Variants in ATAD2B observed in about 807,000 individuals in gnomAD.
The protein encoded by ATAD2B is ATPase family AAA domain-containing protein 2B.
A neutral mutation model predicts 167.6 loss-of-function variants in ATAD2B; 40 were observed. That is an observed-to-expected ratio of 0.24 (90% confidence interval 0.19 to 0.31). ATAD2B has a LOEUF of 0.31. ATAD2B is among the 10% of genes least tolerant of loss of function. The pLI, the probability that ATAD2B is intolerant of heterozygous loss-of-function variation, is 1.00. For missense variants in ATAD2B, 1,242 were observed against 1,757.2 expected (o/e 0.71, Z 5.24); for synonymous variants, 579 against 596.5 (o/e 0.97, Z 0.43).
At position 23,751,803 on chromosome 2, in the gene ATAD2B, G is replaced by A. The variant is rs992079735; in HGVS notation, c.*243C>T. The stretch of plus-strand genomic sequence containing the variant: ...TGTAGCACCAAAATCTCCAAGCTGT[G>A]GGGTTGTATTTTTTATTTGTGGAAA... On this transcript the variant is annotated 3_prime_UTR_variant, in exon 28 of 28. Coordinates refer to ENST00000238789, the MANE Select transcript of ATAD2B (RefSeq NM_017552.4). The A allele has an allele frequency of 2.0e-6, 1 of 504,600 alleles. No homozygotes were observed. Among genetic ancestry groups the A allele is most frequent in the Non-Finnish European group, 3.5e-6 (1 of 283,908 alleles). 31.3% of individuals were successfully genotyped at this position (504,600 alleles called of 1,614,324 possible).
At chr2:23,826,966 C>T (rs1688349952) in intron 15 of ATAD2B, among the ~76,000 whole-genome samples, 1 of 152,136 alleles carries the variant, frequency 6.6e-6, no homozygotes, top group Non-Finnish European at 1.5e-5. Flanking sequence ...CTCTATGAGG[C>T]ATAAATTTCA....
intron 14 of ATAD2B, among the ~76,000 whole-genome samples, chr2:23,829,625 C>T (rs1688749181): frequency 6.6e-6 from 1 of 152,060 alleles, no homozygotes; most frequent in Admixed American, 6.6e-5. Flanking sequence ...CATGGTGGTG[C>T]ACGCCTGTGG....
At chr2:23,752,191 A>C in intron 27 of ATAD2B, 104 bp from the exon 28 acceptor site, 1 of 803,322 alleles carries the variant, frequency 1.2e-6, no homozygotes, top group Non-Finnish European at 2.1e-6. Context: ...AATTTGAGAT[A>C]CAGGTTAAAC....
At chr2:23,684,083 A>G in the ATAD2B span, among the ~76,000 whole-genome samples, 1 of 152,082 alleles carries the variant, frequency 6.6e-6, no homozygotes, top group Non-Finnish European at 1.5e-5. The surrounding 1 kb of genome is among the most constrained non-coding windows in gnomAD (Gnocchi z 4.4). Context: ...TGTATTCTCT[A>G]TGTTTCCAAT....
chr2:23,769,082 G>T (rs932729305), intron 22 of ATAD2B, among the ~76,000 whole-genome samples: 1 of 152,132 alleles, frequency 6.6e-6, no homozygotes, highest in Non-Finnish European at 1.5e-5. Flanking sequence ...AACCGCAGGG[G>T]ATTGGTTCTA....
At chr2:23,807,591 CA>C (rs1205740169) in intron 18 of ATAD2B, among the ~76,000 whole-genome samples, 2 of 151,908 alleles carry the variant, frequency 1.3e-5, no homozygotes, top group Non-Finnish European at 2.9e-5. Context: ...CCAAGGCGGG[CA>C]GATCACGAAG....
intron 21 of ATAD2B, among the ~76,000 whole-genome samples, chr2:23,783,495 T>G (rs184647421): frequency 5.3e-5 from 8 of 152,206 alleles, no homozygotes; most frequent in Non-Finnish European, 1.5e-5. Context: ...AGTGAACTAT[T>G]TCATGGAAAG....
intron 13 of ATAD2B, among the ~76,000 whole-genome samples, chr2:23,852,271 G>C (rs1692683746): frequency 6.6e-6 from 1 of 151,920 alleles, no homozygotes; most frequent in Non-Finnish European, 1.5e-5. Context: ...TCAGAAAATA[G>C]AGAAAGAGGG....
chr2:23,913,547 G>A (rs926796216), intron 1 of ATAD2B, among the ~76,000 whole-genome samples: 1 of 151,818 alleles, frequency 6.6e-6, no homozygotes, highest in African/African-American at 2.4e-5. Context: ...GGCTGAAGCA[G>A]GAGAATTGCT....
chr2:23,745,708 GTAA>G (rs1316947027), downstream of ATAD2B, among the ~76,000 whole-genome samples: 2 of 152,186 alleles, frequency 1.3e-5, no homozygotes, highest in Non-Finnish European at 2.9e-5. Flanking sequence ...GTTAATGCTT[GTAA>G]TAATACCTGG....
At chr2:23,855,016 A>G (rs1297167204) in intron 13 of ATAD2B, among the ~76,000 whole-genome samples, 1 of 152,092 alleles carries the variant, frequency 6.6e-6, no homozygotes, top group Non-Finnish European at 1.5e-5. Context: ...CCAACATGGC[A>G]AAACCCTGTC....
At chr2:23,741,448 G>A in the ATAD2B span, among the ~76,000 whole-genome samples, 2 of 151,890 alleles carry the variant, frequency 1.3e-5, no homozygotes, top group African/African-American at 4.8e-5. Context: ...AACAAGAAAT[G>A]GGGAAAGGAT....
At chr2:23,721,646 A>G in the ATAD2B span, among the ~76,000 whole-genome samples, 4 of 152,274 alleles carry the variant, frequency 2.6e-5, no homozygotes, top group East Asian at 7.7e-4. Context: ...CCTCTGGGCC[A>G]CCACCCAGAA....
chr2:23,874,669 A>G (rs72788284), intron 8 of ATAD2B, among the ~76,000 whole-genome samples: 28,018 of 151,510 alleles, frequency 0.18, 2,691 homozygotes, highest in Middle Eastern at 0.26. Context: ...TAGCACGCCT[A>G]GGTGACAGAG....
chr2:23,769,294 A>G (rs1336224186), intron 22 of ATAD2B, among the ~76,000 whole-genome samples: 1 of 152,084 alleles, frequency 6.6e-6, no homozygotes. Context: ...CAAAAAAATT[A>G]GCCGGGCGTG....
At chr2:23,701,869 T>G in the ATAD2B span, among the ~76,000 whole-genome samples, 1 of 145,806 alleles carries the variant, frequency 6.9e-6, no homozygotes, top group African/African-American at 2.5e-5. Flanking sequence ...GGCGCGATCT[T>G]GGCTCACCGC....
intron 1 of ATAD2B, among the ~76,000 whole-genome samples, chr2:23,924,109 G>A (rs541206250): frequency 1.7e-4 from 6 of 35,798 alleles, no homozygotes; most frequent in Non-Finnish European, 3.2e-4. Context: ...CGTGAACCCC[G>A]GGGGGCGGAG....
the ATAD2B span, among the ~76,000 whole-genome samples, chr2:23,687,763 G>A: frequency 5.4e-4 from 83 of 152,322 alleles, no homozygotes; most frequent in Non-Finnish European, 1.0e-3. Context: ...GCGGGAGGGG[G>A]TCTCAGGTCC....
intron 22 of ATAD2B, among the ~76,000 whole-genome samples, chr2:23,774,939 A>T (rs888833770): frequency 6.6e-6 from 1 of 152,118 alleles, no homozygotes; most frequent in South Asian, 2.1e-4. Context: ...AGAATAATAA[A>T]TAAAATTTAC....
Sources: allele counts gnomAD v4.1 joint callset (sites outside exome capture counted in the v4.1 genomes callset), GRCh38; gene constraint gnomAD v4.1.1; non-coding constraint Gnocchi (gnomAD v3.1); transcripts MANE v1.5; gene names NCBI Gene and HGNC (gene_info 2026-07-23, HGNC 2026-07-21).